The following PRKDC variants were observed in gnomAD, a reference collection of about 807,000 sequenced individuals.
PRKDC encodes the protein DNA-dependent protein kinase catalytic subunit.
In PRKDC, 82 loss-of-function variants were observed where a neutral mutation model predicts 486.9. The ratio of observed to expected loss-of-function variants is 0.17; its 90% CI spans 0.14 to 0.20. The LOEUF (loss-of-function observed/expected upper bound fraction) is 0.20. Ranked by LOEUF, PRKDC falls within the 10% of genes least tolerant of loss-of-function variation. PRKDC has a pLI of 1.00. For synonymous variants in PRKDC, 1,895 were observed against 1,837.0 expected, an observed-to-expected ratio of 1.03 and a Z score of -0.81; for missense variants, 4,504 against 5,038.2, an observed-to-expected ratio of 0.89 and a Z score of 3.21.
At position 47,775,820 on chromosome 8, in the gene PRKDC, TCC is replaced by T. The variant is rs2086598812; in HGVS notation, c.12182+1022_12182+1023del. ...CAAGGTCAGGATGATTTACTCCTAT[TCC>T]TTTTTTTTTTTTTTTTCTGAGGCAG... On this transcript the variant is annotated intron_variant, in intron 85 of 85. Transcript: ENST00000314191. Among the ~76,000 whole-genome samples, 4 of 151,274 alleles carry T rather than the reference TCC, an allele frequency of 2.6e-5. No individual in the cohort carries two copies. In the South Asian group the frequency reaches 8.3e-4, roughly 32 times the overall value.
rs754727089 is a variant in PRKDC at position 47,881,459 on chromosome 8, T to C, written c.5024A>G (p.Tyr1675Cys). 1.3e-6 allele frequency: 2 copies of C among 1,575,504 alleles called. No individual in the cohort carries two copies. Among genetic ancestry groups the C allele is most frequent in the South Asian group, 1.1e-5 (1 of 88,504 alleles). ...HGSFPEVFTTYISLLADTKLD... is the reference protein window; with the variant it reads ...HGSFPEVFTTCISLLADTKLD... ...CTTTGTGTCAGCAAGTAGACTAATATATGTTGTAAAGACTTCAGGGAATGA... is the reference window on the plus strand; with the variant it reads ...CTTTGTGTCAGCAAGTAGACTAATACATGTTGTAAAGACTTCAGGGAATGA... The change falls in exon 38 of 86, where the codon TAT becomes TGT. Residue 1675 changes from tyrosine (Y) to cysteine (C), a missense_variant. Tyr to Cys is a radical substitution (Grantham distance 194). Around this residue, in one of 6 missense-constraint regions of PRKDC, gnomAD observed 1,969 missense variants for 2,068.9 expected, o/e 0.95. Transcript: ENST00000314191.
At chr8:47,928,168 T>C (rs2090185504) in intron 19 of PRKDC, among the ~76,000 whole-genome samples, 1 of 151,374 alleles carries the variant, frequency 6.6e-6, no homozygotes, top group South Asian at 2.1e-4. Context: ...TTTTTTTTTT[T>C]TTTTTGTAAG....
rs1283813755 is a variant in PRKDC, at chr8:47,820,939, G to T, written c.9116C>A (p.Thr3039Lys). The T allele has an allele frequency of 1.3e-6, 2 of 1,559,724 alleles. No homozygotes were observed. Among genetic ancestry groups the T allele is most frequent in the African/African-American group, 2.7e-5 (2 of 73,842 alleles). ...GCTGCGGATCATGTAAGGTAGATAT[G>T]TTTCCTAAGGAACATAAAAATATAC... The part of the protein sequence containing the change: ...KIWSEPFYQE[T>K]YLPYMIRSKL... The change falls in exon 66 of 86, where the codon ACA becomes AAA. Residue 3039 changes from threonine (T) to lysine (K), a missense_variant. Thr to Lys is a moderately conservative substitution (Grantham distance 78). Coordinates refer to ENST00000314191, the MANE Select transcript of PRKDC (RefSeq NM_006904.7).
At chr8:47,783,965 AT>A (rs1050380348) in intron 77 of PRKDC, 156 bp from the exon 78 acceptor site, 52 of 744,398 alleles carry the variant, frequency 7.0e-5, no homozygotes, top group Non-Finnish European at 1.1e-4. Flanking sequence ...TTTAAAAAAA[AT>A]GTTATTTCTC....
At chr8:47,930,120 T>G in intron 17 of PRKDC, 108 bp from the exon 18 acceptor site, 1 of 938,010 alleles carries the variant, frequency 1.1e-6, no homozygotes, top group Non-Finnish European at 1.6e-6. Context: ...ACGTAACATT[T>G]TGAGGTATCC....
In PRKDC at chr8:47,935,769, T is replaced by TGCTGCCAAAGC; in HGVS notation, c.1399_1409dup (p.Lys471LeufsTer21). 1 of 1,613,950 alleles carries TGCTGCCAAAGC rather than the reference T, an allele frequency of 6.2e-7. No homozygotes were observed. Among genetic ancestry groups the TGCTGCCAAAGC allele is most frequent in the Non-Finnish European group, 8.5e-7 (1 of 1,179,884 alleles). ...TGCAATTCCTGAGAACTGGCCCTTT[T>TGCTGCCAAAGC]GCTGCCAAAGCTAGGAACACCTTCA... On this transcript the variant is annotated frameshift_variant, in exon 13 of 86. Transcript: ENST00000314191. LOFTEE classifies it high-confidence loss of function.
chr8:47,889,613 A>G (rs1323709039), intron 32 of PRKDC, among the ~76,000 whole-genome samples: 1 of 152,244 alleles, frequency 6.6e-6, no homozygotes, highest in Non-Finnish European at 1.5e-5. Context: ...AACTGACTGG[A>G]GTTTGTTTAT....
At chr8:47,937,876 G>T (rs997732800) in intron 11 of PRKDC, among the ~76,000 whole-genome samples, 1 of 152,270 alleles carries the variant, frequency 6.6e-6, no homozygotes, top group South Asian at 2.1e-4. Flanking sequence ...AGTGCTTTGG[G>T]GACTGAGGCG....
chr8:47,849,002 C>T (rs1389879932), intron 54 of PRKDC, among the ~76,000 whole-genome samples, 152 bp downstream of exon 54: 1 of 152,208 alleles, frequency 6.6e-6, no homozygotes, highest in Non-Finnish European at 1.5e-5. Flanking sequence ...ATATCCTATT[C>T]TTATGGTGCC....
In PRKDC at chr8:47,864,452, C is replaced by G. The variant is rs1161555249; in HGVS notation, c.5571+104G>C. 4.7e-6 allele frequency: 5 copies of G among 1,052,666 alleles called. No homozygotes were observed. The African/African-American group carries it at 8.0e-5, about 17-fold the overall frequency. The allele number at this position is 1,052,666 out of a possible 1,614,324, so 65.2% of individuals were successfully genotyped here. A position where few individuals can be genotyped will look rare whatever the true frequency, so the allele number is the denominator to read the frequency against. On this transcript the variant is annotated intron_variant, in intron 41 of 85. Transcript: ENST00000314191. ...TAGCCACAGACTGTTATGTGGCACA[C>G]TCCTTGAACAGCAGAGGCCATGTGA... is the stretch of plus-strand genomic sequence containing the variant.
At chr8:47,891,782 T>C (rs753217446) in intron 31 of PRKDC, among the ~76,000 whole-genome samples, 2 of 152,222 alleles carry the variant, frequency 1.3e-5, no homozygotes, top group Non-Finnish European at 2.9e-5. Flanking sequence ...TATTGGATTG[T>C]AAGACACACT....
Position 47,890,493 on chromosome 8 carries a change from A to C in PRKDC, c.3848-13T>G. On this transcript the variant is annotated splice_polypyrimidine_tract_variant and intron_variant, in intron 31 of 85. Transcript: ENST00000314191. ...TGGGCTTCAGTACCTAGAAGCAATT[A>C]TATTAAAGTATTAATATATGCTTCC... 6.6e-7 allele frequency: 1 copy of C among 1,511,264 alleles called. No individual in the cohort carries two copies. Among genetic ancestry groups the C allele is most frequent in the Non-Finnish European group, 9.0e-7 (1 of 1,114,118 alleles). 93.6% of individuals were successfully genotyped at this position (1,511,264 alleles called of 1,614,324 possible). A position where few individuals can be genotyped will look rare whatever the true frequency, so the allele number is the denominator to read the frequency against.
At chr8:47,928,282 G>A (rs2090188208) in intron 19 of PRKDC, among the ~76,000 whole-genome samples, 1 of 150,876 alleles carries the variant, frequency 6.6e-6, no homozygotes, top group Non-Finnish European at 1.5e-5. Context: ...ATCCCAAGTA[G>A]GTGGGATTAC....
chr8:47,853,838 A>T (rs559081079), intron 51 of PRKDC, among the ~76,000 whole-genome samples: 110 of 152,240 alleles, frequency 7.2e-4, no homozygotes, highest in Non-Finnish European at 1.3e-3. Context: ...GCAGACAAGA[A>T]TTTTTTTGGT....
rs568899515 is a variant in PRKDC, at chr8:47,810,104, C to T, written c.9558-2778G>A. On this transcript the variant is annotated intron_variant, in intron 68 of 85. Transcript: ENST00000314191. ...AGACTCAAAACAGCACAGGTTTGGA[C>T]AGGAACTGAGGTTTCAACCAACAAA... is the stretch of plus-strand genomic sequence containing the variant. Among the ~76,000 whole-genome samples, 70 of 152,280 alleles carry T rather than the reference C, an allele frequency of 4.6e-4. 1 individual carries two copies. The South Asian group carries it at 0.01, about 22-fold the overall frequency.
intron 56 of PRKDC, 65 bp from the exon 57 acceptor site, chr8:47,837,484 C>T: frequency 2.3e-6 from 3 of 1,317,902 alleles, no homozygotes; most frequent in East Asian, 2.4e-5. Context: ...ATGTGCTGTA[C>T]AGGGTGTCCT....
chr8:47,800,283 A>T (rs2087075828), intron 71 of PRKDC, among the ~76,000 whole-genome samples: 1 of 152,190 alleles, frequency 6.6e-6, no homozygotes, highest in Non-Finnish European at 1.5e-5. Flanking sequence ...CAGCCATAAA[A>T]AATGATGAGT....
At chr8:47,940,726 T>A (rs1281472548) in intron 10 of PRKDC, among the ~76,000 whole-genome samples, 1 of 152,258 alleles carries the variant, frequency 6.6e-6, no homozygotes, top group Non-Finnish European at 1.5e-5. Flanking sequence ...GCATCTTTAT[T>A]CAACTATTTC....
At chr8:47,848,090 G>C (rs1276160740) in intron 54 of PRKDC, among the ~76,000 whole-genome samples, 1 of 152,140 alleles carries the variant, frequency 6.6e-6, no homozygotes, top group Non-Finnish European at 1.5e-5. Context: ...GACTTCTCAA[G>C]GAAGTGAGAG....
Sources: allele counts gnomAD v4.1 joint callset (sites outside exome capture counted in the v4.1 genomes callset), GRCh38; gene constraint gnomAD v4.1.1; regional missense constraint gnomAD v4.1.1; transcripts MANE v1.5; gene names NCBI Gene and HGNC (gene_info 2026-07-23, HGNC 2026-07-21).